NFATC1: variants seen among roughly 807,000 people sequenced by gnomAD.
NFATC1 encodes nuclear factor of activated T-cells, cytoplasmic 1.
Under a neutral mutation model 76.0 loss-of-function variants are expected in NFATC1, and 22 were observed. The observed-to-expected ratio is 0.29, with a 90% CI of 0.21 to 0.41. NFATC1 has a LOEUF of 0.41. Among genes scored for constraint, NFATC1 ranks in the 10% least tolerant of loss-of-function variants. NFATC1 has a pLI of 1.00. For missense variants in NFATC1, 1,357 were observed against 1,337.7 expected (o/e 1.01, Z -0.23); for synonymous variants, 704 against 613.1 (o/e 1.15, Z -2.19).
intron 8 of NFATC1, among the ~76,000 whole-genome samples, chr18:79,481,367 T>A (rs1569014706): frequency 6.6e-6 from 1 of 152,198 alleles, no homozygotes; most frequent in Non-Finnish European, 1.5e-5. Flanking sequence ...GGACACCGCC[T>A]CCTGCCACCC....
At chr18:79,467,348 G>A (rs2088559537) in intron 7 of NFATC1, 102 bp from the exon 8 acceptor site, 1 of 1,194,182 alleles carries the variant, frequency 8.4e-7, no homozygotes, top group African/African-American at 1.6e-5. Context: ...GGGTTGCCGT[G>A]TGGCCGCCGT....
intron 2 of NFATC1, among the ~76,000 whole-genome samples, chr18:79,427,388 T>G (rs1280269909): frequency 1.3e-5 from 1 of 76,924 alleles, no homozygotes; most frequent in Non-Finnish European, 2.3e-5. Flanking sequence ...CTCTGTGCAG[T>G]GGGTTGGGGG....
chr18:79,470,985 G>C (rs1000579889), intron 8 of NFATC1: 2 of 152,258 alleles, frequency 1.3e-5, no homozygotes, highest in Non-Finnish European at 2.9e-5. Context: ...AGTGGGCATA[G>C]CCCTCGGGGA....
intron 9 of NFATC1, among the ~76,000 whole-genome samples, chr18:79,490,110 G>A (rs759786149): frequency 6.8e-6 from 1 of 147,880 alleles, no homozygotes; most frequent in Non-Finnish European, 1.5e-5. Flanking sequence ...CCGCCCCCCC[G>A]TGGGCAGACA....
At chr18:79,491,974 C>T (rs1040314735) in intron 9 of NFATC1, among the ~76,000 whole-genome samples, 4 of 152,192 alleles carry the variant, frequency 2.6e-5, no homozygotes, top group South Asian at 4.1e-4. Context: ...AGAGACAGCC[C>T]GGGGCTCCTC....
At chr18:79,413,305 G>A (rs1443717506) in intron 2 of NFATC1, among the ~76,000 whole-genome samples, 1 of 152,228 alleles carries the variant, frequency 6.6e-6, no homozygotes, top group Non-Finnish European at 1.5e-5. Context: ...CCCTGACAAG[G>A]TCCCGCAGAC....
chr18:79,461,697 C>T (rs542475951), intron 7 of NFATC1, among the ~76,000 whole-genome samples: 1 of 152,304 alleles, frequency 6.6e-6, no homozygotes, highest in African/African-American at 2.4e-5. Context: ...ACCCTCCCGC[C>T]CTTTGCTGTC....
At chr18:79,519,355 C>T (rs2090459085) in intron 9 of NFATC1, among the ~76,000 whole-genome samples, 1 of 152,038 alleles carries the variant, frequency 6.6e-6, no homozygotes, top group African/African-American at 2.4e-5. Flanking sequence ...TTTCCTGAGA[C>T]AGGGTCTTGC....
At position 79,524,330 on chromosome 18, in the gene NFATC1, G is replaced by A. The variant is rs551310591; in HGVS notation, c.2783-3198G>A. ...GTCTGCGGGGCGAGCACGGCTCCAC[G>A]TACGGCTCTCGTCCGCGGTGTGGAT... On this transcript the variant is annotated intron_variant, in intron 9 of 9. Transcript: ENST00000427363. This position sits in a 1 kb window ranked among gnomAD's most constrained non-coding sequence, Gnocchi z 7.2. Among the ~76,000 whole-genome samples, 5 of 152,368 alleles carry A rather than the reference G, an allele frequency of 3.3e-5. No homozygotes were observed. The highest frequency in any genetic ancestry group is 1.9e-4 in the East Asian group (1 of 5,184).
At chr18:79,439,947 G>A (rs965753246) in intron 3 of NFATC1, among the ~76,000 whole-genome samples, 1 of 152,196 alleles carries the variant, frequency 6.6e-6, no homozygotes, top group Non-Finnish European at 1.5e-5. Flanking sequence ...TGAGAAAATG[G>A]GTGGAATTTT....
chr18:79,459,722 C>T (rs574410604), intron 6 of NFATC1, among the ~76,000 whole-genome samples: 41 of 152,216 alleles, frequency 2.7e-4, no homozygotes, highest in African/African-American at 9.9e-4. Flanking sequence ...CGGGGCCTCA[C>T]CCCAAAGATG....
intron 2 of NFATC1, among the ~76,000 whole-genome samples, chr18:79,418,784 A>G (rs936159370): frequency 3.9e-5 from 6 of 152,074 alleles, no homozygotes; most frequent in Non-Finnish European, 7.4e-5. Context: ...GCTGTTATGG[A>G]GTTCACAGCT....
chr18:79,524,541 C>T lies in NFATC1; in HGVS notation c.2783-2987C>T, dbSNP rs1601019682. On this transcript the variant is annotated intron_variant, in intron 9 of 9. Transcript: ENST00000427363. The surrounding 1 kb of genome is among the most constrained non-coding windows in gnomAD (Gnocchi z 7.2). ...GCAGCGTCTGAGACCTTGTGGAACA[C>T]ACTTGACCCGGCGCTGGGACGGGGT... Among the ~76,000 whole-genome samples, 1 of 152,334 alleles carries T rather than the reference C, an allele frequency of 6.6e-6. No individual in the cohort carries two copies. Among genetic ancestry groups the T allele is most frequent in the Non-Finnish European group, 1.5e-5 (1 of 68,012 alleles).
chr18:79,481,366 C>T (rs2089265434), intron 8 of NFATC1, among the ~76,000 whole-genome samples: 1 of 152,250 alleles, frequency 6.6e-6, no homozygotes. Flanking sequence ...CGGACACCGC[C>T]TCCTGCCACC....
intron 9 of NFATC1, among the ~76,000 whole-genome samples, chr18:79,514,269 A>G (rs973602911): frequency 6.6e-6 from 1 of 151,884 alleles, no homozygotes; most frequent in Non-Finnish European, 1.5e-5. Context: ...GCAAGACCCC[A>G]TCTCTACAAA....
rs1003909302 is a variant in NFATC1, at chr18:79,475,080, ACACT to A, written c.2092+7504_2092+7507del. Among the ~76,000 whole-genome samples, 44 of 109,110 alleles carry A rather than the reference ACACT, an allele frequency of 4.0e-4. 1 individual carries two copies. Among genetic ancestry groups the A allele is most frequent in the South Asian group, 4.0e-3 (15 of 3,754 alleles). 71.6% of individuals were successfully genotyped at this position (109,110 alleles called of 152,430 possible). ...GTAAACCTGAGGGAAGTGTGTTCTCACACTCACTCGACGTGAGGGAAGCGTGTTC... is the reference window on the plus strand; with the variant it reads ...GTAAACCTGAGGGAAGTGTGTTCTCACACTCGACGTGAGGGAAGCGTGTTC... On this transcript the variant is annotated intron_variant, in intron 8 of 9. Transcript: ENST00000427363.
chr18:79,500,655 G>A (rs540950673), intron 9 of NFATC1, among the ~76,000 whole-genome samples: 8 of 152,100 alleles, frequency 5.3e-5, no homozygotes, highest in African/African-American at 1.9e-4. Flanking sequence ...AGAAAAATTA[G>A]GAATGAAAGA....
At chr18:79,507,344 T>C (rs535529256) in intron 9 of NFATC1, among the ~76,000 whole-genome samples, 7 of 152,244 alleles carry the variant, frequency 4.6e-5, no homozygotes, top group Non-Finnish European at 1.0e-4. Context: ...GACTGCGGGT[T>C]AGAGGGCTGT....
chr18:79,529,085 G>A lies in NFATC1; in HGVS notation c.*1508G>A, dbSNP rs575412287. On this transcript the variant is annotated 3_prime_UTR_variant, in exon 10 of 10. Transcript: ENST00000427363. ...GTACCGTGCGCTCCGGCACAATCGCGTCTCTTGTGTCTCACTCACGGAAAG... is the reference window on the plus strand; with the variant it reads ...GTACCGTGCGCTCCGGCACAATCGCATCTCTTGTGTCTCACTCACGGAAAG... 10 of 152,426 alleles carry A rather than the reference G, an allele frequency of 6.6e-5. No individual in the cohort carries two copies. The East Asian group carries it at 9.6e-4, about 15-fold the overall frequency. 9.4% of individuals were successfully genotyped at this position (152,426 alleles called of 1,614,324 possible).
Sources: gnomAD v4.1 joint callset for allele counts (sites outside exome capture counted in the v4.1 genomes callset) on GRCh38, gnomAD v4.1.1 for gene constraint, Gnocchi (gnomAD v3.1) non-coding constraint, MANE v1.5 for transcripts, NCBI Gene and HGNC (gene_info 2026-07-23, HGNC 2026-07-21) for gene names.